SLAMF6: variants seen among roughly 807,000 people sequenced by gnomAD.
SLAMF6 encodes NK-T-B-antigen.
SLAMF6 carries 21 observed loss-of-function variants against 38.3 expected under a neutral mutation model. The ratio of observed to expected loss-of-function variants is 0.55; its 90% confidence interval spans 0.39 to 0.79. The LOEUF (loss-of-function observed/expected upper bound fraction) is 0.79. Among genes scored for constraint, SLAMF6 ranks in the 30% least tolerant of loss-of-function variants. SLAMF6 has a pLI of 0.00. For synonymous variants in SLAMF6, 152 were observed against 146.3 expected (o/e 1.04, Z -0.28); for missense variants, 341 against 385.3 (o/e 0.89, Z 0.96).
At chr1:160,493,388 C>A (rs75298153) in intron 2 of SLAMF6, among the ~76,000 whole-genome samples, 203 of 152,298 alleles carry the variant, frequency 1.3e-3, no homozygotes, top group African/African-American at 4.8e-3. Flanking sequence ...TGCTCCCTGG[C>A]ACTCTTGATG....
rs778297060 is a variant in SLAMF6, at chr1:160,495,434, G to C, written c.382+627C>G. ...CATTCTTTTTAATCTTGGGAAGGCAGATTGTTGACTGGTGATTAATATGAG... is the reference window on the plus strand; with the variant it reads ...CATTCTTTTTAATCTTGGGAAGGCACATTGTTGACTGGTGATTAATATGAG... On this transcript the variant is annotated intron_variant, in intron 2 of 7. Coordinates refer to ENST00000368057, the MANE Select transcript of SLAMF6 (RefSeq NM_001184714.2). Among the ~76,000 whole-genome samples, 115 of 152,156 alleles carry C rather than the reference G, an allele frequency of 7.6e-4. 4 individuals carry two copies. The highest frequency in any genetic ancestry group is 5.9e-5 in the Non-Finnish European group (4 of 68,028).
chr1:160,502,429 A>G (rs1653953428), intron 1 of SLAMF6, among the ~76,000 whole-genome samples: 3 of 152,170 alleles, frequency 2.0e-5, no homozygotes, highest in Non-Finnish European at 2.9e-5. Flanking sequence ...TTTGGGGTAC[A>G]TTTGTTTACA....
chr1:160,515,536 C>T (rs578023159), intron 1 of SLAMF6, among the ~76,000 whole-genome samples: 2 of 152,290 alleles, frequency 1.3e-5, no homozygotes, highest in East Asian at 3.9e-4. Context: ...ATACCAAAAC[C>T]TGGCAGAGAT....
intron 1 of SLAMF6, among the ~76,000 whole-genome samples, chr1:160,510,801 C>T (rs1466171706): frequency 1.3e-5 from 2 of 152,050 alleles, no homozygotes; most frequent in African/African-American, 4.8e-5. Flanking sequence ...AAAACTATTC[C>T]TATTCACAGA....
rs1026863969 is a variant in SLAMF6 at position 160,487,297 on chromosome 1, C to G, written c.880-122G>C. The G allele has an allele frequency of 7.7e-5, 67 of 874,444 alleles. No individual in the cohort carries two copies. The African/African-American group carries it at 1.1e-3, about 14-fold the overall frequency. 54.2% of individuals were successfully genotyped at this position (874,444 alleles called of 1,614,324 possible). On this transcript the variant is annotated intron_variant, in intron 6 of 7. Coordinates refer to ENST00000368057, the MANE Select transcript of SLAMF6 (RefSeq NM_001184714.2). ...ATGTCAAAGTTCTTCCAGAGGAAGGCTGGGGAATGTTCAGTGGAAGACCAA... is the reference window on the plus strand; with the variant it reads ...ATGTCAAAGTTCTTCCAGAGGAAGGGTGGGGAATGTTCAGTGGAAGACCAA...
In SLAMF6 at chr1:160,523,132, A is replaced by G. The variant is rs1318499096; in HGVS notation, c.49+12T>C. 2 of 1,613,636 alleles carry G rather than the reference A, an allele frequency of 1.2e-6. No individual in the cohort carries two copies. Among genetic ancestry groups the G allele is most frequent in the South Asian group, 1.1e-5 (1 of 91,024 alleles). ...TCACTCAGTGACTACACCGATCTGG[A>G]TTGACATTTACCTGGGCCAAAGCAG... On this transcript the variant is annotated intron_variant, in intron 1 of 7. Transcript: ENST00000368057.
At chr1:160,497,387 C>G (rs184498762) in intron 1 of SLAMF6, among the ~76,000 whole-genome samples, 1 of 152,164 alleles carries the variant, frequency 6.6e-6, no homozygotes, top group Admixed American at 6.6e-5. Flanking sequence ...ATTAGCCTTG[C>G]ATGTCAGTAC....
Position 160,502,291 on chromosome 1 carries a change from G to A in SLAMF6, c.50-5898C>T, listed in dbSNP as rs137910753. Among the ~76,000 whole-genome samples the A allele has an allele frequency of 5.1e-4, 78 of 152,332 alleles. No individual in the cohort carries two copies. In the East Asian group the frequency reaches 0.013, roughly 26 times the overall value. ...TGCCTCATGTTGGCTACAACTCGTA[G>A]GCTGCTTTGGGGACTCATGGGAAGC... On this transcript the variant is annotated intron_variant, in intron 1 of 7. Transcript: ENST00000368057.
chr1:160,488,135 A>C (rs964658433), intron 6 of SLAMF6, among the ~76,000 whole-genome samples: 17 of 151,756 alleles, frequency 1.1e-4, no homozygotes, highest in African/African-American at 3.6e-4. Flanking sequence ...CCAACAAAAA[A>C]CAAAAAAACC....
chr1:160,499,363 G>C (rs1653761358), intron 1 of SLAMF6, among the ~76,000 whole-genome samples: 1 of 152,104 alleles, frequency 6.6e-6, no homozygotes, highest in South Asian at 2.1e-4. Context: ...AAAATCAGAT[G>C]GTTGTAAGGG....
chr1:160,497,074 G>A (rs1653623346), intron 1 of SLAMF6, among the ~76,000 whole-genome samples: 1 of 152,102 alleles, frequency 6.6e-6, no homozygotes, highest in South Asian at 2.1e-4. Context: ...TGACTCCAGT[G>A]ACTTTGTGCT....
intron 2 of SLAMF6, among the ~76,000 whole-genome samples, chr1:160,492,050 G>A (rs1192943365): frequency 6.6e-6 from 1 of 152,144 alleles, no homozygotes; most frequent in African/African-American, 2.4e-5. Context: ...AGCAATTCTG[G>A]GGAGCAAAGA....
chr1:160,510,063 A>C (rs1654394557), intron 1 of SLAMF6, among the ~76,000 whole-genome samples: 1 of 152,098 alleles, frequency 6.6e-6, no homozygotes, highest in Non-Finnish European at 1.5e-5. Flanking sequence ...AAGAAATAAA[A>C]AATTAAAGAG....
intron 1 of SLAMF6, among the ~76,000 whole-genome samples, chr1:160,509,547 T>C (rs2102054926): frequency 6.6e-6 from 1 of 152,192 alleles, no homozygotes; most frequent in South Asian, 2.1e-4. Context: ...GAGAAATACC[T>C]AATGTAAATG....
At chr1:160,493,782 G>A (rs1653424299) in intron 2 of SLAMF6, among the ~76,000 whole-genome samples, 1 of 152,102 alleles carries the variant, frequency 6.6e-6, no homozygotes, top group African/African-American at 2.4e-5. Context: ...TACATGGCTG[G>A]GGAGGCCTCA....
At chr1:160,497,816 C>CT (rs1180456480) in intron 1 of SLAMF6, among the ~76,000 whole-genome samples, 15 of 152,102 alleles carry the variant, frequency 9.9e-5, no homozygotes, top group African/African-American at 3.6e-4. Flanking sequence ...TGATTTAATT[C>CT]TTTTTTATGG....
chr1:160,490,097 C>T (rs969091200), intron 5 of SLAMF6, 101 bp downstream of exon 5: 2 of 1,321,322 alleles, frequency 1.5e-6, no homozygotes, highest in East Asian at 2.3e-5. Context: ...CATTCTGACT[C>T]CTTCCTCTGT....
At chr1:160,522,681 T>G (rs1655037717) in intron 1 of SLAMF6, among the ~76,000 whole-genome samples, 1 of 152,132 alleles carries the variant, frequency 6.6e-6, no homozygotes, top group Non-Finnish European at 1.5e-5. Flanking sequence ...TGTGTTTGGT[T>G]GGGCCCAGAA....
At position 160,486,645 on chromosome 1, in the gene SLAMF6, G is replaced by A. The variant is rs1427958313; in HGVS notation, c.*62C>T. ...ACAGGAACCAAGCTTCCTGTTCTTT[G>A]TTCTGTCTCATGGGATCAGAAGACG... On this transcript the variant is annotated 3_prime_UTR_variant, in exon 8 of 8. Coordinates refer to ENST00000368057, the MANE Select transcript of SLAMF6 (RefSeq NM_001184714.2). 2 of 1,508,254 alleles carry A rather than the reference G, an allele frequency of 1.3e-6. No homozygotes were observed. The highest frequency in any genetic ancestry group is 1.8e-6 in the Non-Finnish European group (2 of 1,085,224). 93.4% of individuals were successfully genotyped at this position (1,508,254 alleles called of 1,614,324 possible). A position where few individuals can be genotyped will look rare whatever the true frequency, so the allele number is the denominator to read the frequency against.
Sources: gnomAD v4.1 joint callset for allele counts (sites outside exome capture counted in the v4.1 genomes callset) on GRCh38, gnomAD v4.1.1 for gene constraint, MANE v1.5 for transcripts, NCBI Gene and HGNC (gene_info 2026-07-23, HGNC 2026-07-21) for gene names.